Variants in NPAS3 observed in about 807,000 individuals in gnomAD.
NPAS3 encodes the protein neuronal PAS domain protein 3, also known as neuronal PAS domain-containing protein 3.
NPAS3 carries 14 observed loss-of-function variants against 73.1 expected under a neutral mutation model. The ratio of observed to expected loss-of-function variants is 0.19; its 90% CI spans 0.13 to 0.30. The LOEUF (loss-of-function observed/expected upper bound fraction) is 0.30, where lower values mean the gene tolerates loss of function less well. Among genes scored for constraint, NPAS3 ranks in the 10% least tolerant of loss-of-function variants. NPAS3 has a pLI of 1.00. For missense variants in NPAS3, 1,096 were observed against 1,250.0 expected (o/e 0.88, Z 1.86); for synonymous variants, 620 against 541.5 (o/e 1.14, Z -2.01).
intron 1 of NPAS3, among the ~76,000 whole-genome samples, chr14:33,012,797 G>A (rs1477041126): frequency 1.3e-5 from 2 of 152,060 alleles, no homozygotes; most frequent in South Asian, 4.1e-4. Context: ...CAATCCACCC[G>A]CTTCTGCCTC....
At chr14:33,576,947 C>T (rs1472497201) in intron 5 of NPAS3, among the ~76,000 whole-genome samples, 2 of 152,078 alleles carry the variant, frequency 1.3e-5, no homozygotes, top group Admixed American at 6.5e-5. Flanking sequence ...AATGAATGGC[C>T]AAATGGGTTG....
chr14:33,447,986 C>A (rs983499114), intron 4 of NPAS3, among the ~76,000 whole-genome samples: 21 of 152,128 alleles, frequency 1.4e-4, no homozygotes, highest in Admixed American at 1.3e-4. Context: ...GAGACTGAGT[C>A]TCTACATGTG....
intron 2 of NPAS3, among the ~76,000 whole-genome samples, chr14:33,111,165 TACTC>T (rs1294455745): frequency 2.0e-5 from 3 of 152,190 alleles, no homozygotes; most frequent in African/African-American, 2.4e-5. Context: ...GCTGGGGTGA[TACTC>T]ACTGAGCCAG....
intron 4 of NPAS3, among the ~76,000 whole-genome samples, chr14:33,544,820 A>G (rs889110511): frequency 1.0e-5 from 1 of 98,550 alleles, no homozygotes; most frequent in Non-Finnish European, 1.9e-5. Flanking sequence ...ATGTATATAT[A>G]ATATATATGT....
At chr14:33,355,549 C>A (rs112533785) in intron 3 of NPAS3, among the ~76,000 whole-genome samples, 1 of 152,172 alleles carries the variant, frequency 6.6e-6, no homozygotes, top group African/African-American at 2.4e-5. Flanking sequence ...CCGCCTGCCT[C>A]GGCCTCCCAA....
At chr14:33,472,563 A>G (rs1399822865) in intron 4 of NPAS3, among the ~76,000 whole-genome samples, 2 of 151,536 alleles carry the variant, frequency 1.3e-5, no homozygotes, top group African/African-American at 4.9e-5. Flanking sequence ...TTGGAAGACT[A>G]GGAAGGTATT....
chr14:33,286,848 A>T (rs1235608659), intron 3 of NPAS3, among the ~76,000 whole-genome samples: 1 of 152,164 alleles, frequency 6.6e-6, no homozygotes, highest in Non-Finnish European at 1.5e-5. Context: ...ACAAAGGTAT[A>T]TCCCTTTGAT....
intron 9 of NPAS3, among the ~76,000 whole-genome samples, chr14:33,789,020 G>T (rs2063265648): frequency 6.6e-6 from 1 of 151,856 alleles, no homozygotes; most frequent in South Asian, 2.1e-4. Context: ...TGATGTAAAA[G>T]GTCACATGTT....
chr14:33,435,084 G>A (rs536929969), intron 4 of NPAS3, among the ~76,000 whole-genome samples: 6 of 152,264 alleles, frequency 3.9e-5, no homozygotes, highest in East Asian at 1.9e-4. Context: ...CAAAAGTTAT[G>A]CGTCCAATGT....
At chr14:33,346,594 G>A (rs8018810) in intron 3 of NPAS3, among the ~76,000 whole-genome samples, 60,828 of 149,346 alleles carry the variant, frequency 0.41, 12,693 homozygotes, top group East Asian at 0.61. Context: ...TGTGATCTTT[G>A]CCCTCAAGAA....
chr14:33,411,082 T>C (rs1221962308), intron 4 of NPAS3, among the ~76,000 whole-genome samples: 1 of 152,250 alleles, frequency 6.6e-6, no homozygotes, highest in Non-Finnish European at 1.5e-5. Context: ...GTAGCATGCA[T>C]CTTGGCTAAA....
chr14:33,439,030 C>A (rs980483419), intron 4 of NPAS3, among the ~76,000 whole-genome samples: 1 of 151,846 alleles, frequency 6.6e-6, no homozygotes, highest in East Asian at 1.9e-4. Context: ...CACAATTGTT[C>A]AATTTCCAAA....
chr14:33,507,354 A>T (rs1442084229), intron 4 of NPAS3, among the ~76,000 whole-genome samples: 1 of 152,018 alleles, frequency 6.6e-6, no homozygotes, highest in Non-Finnish European at 1.5e-5. Context: ...AATACCTTAG[A>T]CTGCCATCTT....
intron 2 of NPAS3, among the ~76,000 whole-genome samples, chr14:33,190,972 C>A (rs1409144973): frequency 6.6e-6 from 1 of 152,188 alleles, no homozygotes; most frequent in Non-Finnish European, 1.5e-5. Flanking sequence ...GATTCCCCCC[C>A]ACAATTCTTT....
At chr14:33,183,195 G>T (rs1216024941) in intron 2 of NPAS3, among the ~76,000 whole-genome samples, 1 of 152,124 alleles carries the variant, frequency 6.6e-6, no homozygotes, top group African/African-American at 2.4e-5. Flanking sequence ...GGAGGCCGAG[G>T]CAGGCGGATC....
chr14:33,172,224 A>C (rs1322861118), intron 2 of NPAS3, among the ~76,000 whole-genome samples: 1 of 152,222 alleles, frequency 6.6e-6, no homozygotes, highest in Non-Finnish European at 1.5e-5. Context: ...TGGCACCGAC[A>C]GACTTACTCG....
At chr14:33,072,997 C>A (rs891841284) in intron 2 of NPAS3, among the ~76,000 whole-genome samples, 4 of 151,830 alleles carry the variant, frequency 2.6e-5, no homozygotes, top group Middle Eastern at 3.4e-3. Context: ...ATGTTTGTAC[C>A]CTAACAGAAA....
At chr14:33,063,821 A>G (rs1006177806) in intron 2 of NPAS3, among the ~76,000 whole-genome samples, 6 of 152,228 alleles carry the variant, frequency 3.9e-5, no homozygotes, top group Non-Finnish European at 8.8e-5. Flanking sequence ...GTAAACATAC[A>G]CTAAATGAGT....
At chr14:33,196,753 A>G (rs1286648514) in intron 2 of NPAS3, among the ~76,000 whole-genome samples, 6 of 152,192 alleles carry the variant, frequency 3.9e-5, no homozygotes, top group Non-Finnish European at 7.3e-5. Flanking sequence ...TTGATTTTAC[A>G]TGTTTACATT....
Sources: gnomAD v4.1 joint callset for allele counts (sites outside exome capture counted in the v4.1 genomes callset) on GRCh38, gnomAD v4.1.1 for gene constraint, MANE v1.5 for transcripts, NCBI Gene and HGNC (gene_info 2026-07-23, HGNC 2026-07-21) for gene names.